Variants in STK3 observed in about 807,000 individuals in gnomAD.
STK3 encodes the protein serine/threonine kinase 3, also known as serine/threonine-protein kinase 3.
In STK3, 41 loss-of-function variants were observed where a neutral mutation model predicts 58.0. That is an observed-to-expected ratio of 0.71 (90% CI 0.55 to 0.92). The LOEUF (loss-of-function observed/expected upper bound fraction) is 0.92. Among genes scored for constraint, STK3 ranks in the 40% least tolerant of loss-of-function variants. The pLI, the probability that STK3 is intolerant of heterozygous loss-of-function variation, is 0.00. For missense variants in STK3, 479 were observed against 602.7 expected (o/e 0.79, Z 2.15); for synonymous variants, 170 against 191.0 (o/e 0.89, Z 0.91).
At chr8:98,614,499 C>G (rs1232528197) in intron 6 of STK3, among the ~76,000 whole-genome samples, 1 of 152,182 alleles carries the variant, frequency 6.6e-6, no homozygotes, top group Non-Finnish European at 1.5e-5. Flanking sequence ...CAGCTCCCAG[C>G]GAGAGCGATG....
At chr8:98,484,943 T>G (rs376038858) in intron 10 of STK3, among the ~76,000 whole-genome samples, 1 of 152,138 alleles carries the variant, frequency 6.6e-6, no homozygotes, top group African/African-American at 2.4e-5. Context: ...TTGATTTATC[T>G]AGAAGAATTT....
rs187272069 is a variant in STK3 at position 98,649,889 on chromosome 8, C to G, written c.685-53720G>C. Among the ~76,000 whole-genome samples the G allele has an allele frequency of 2.3e-3, 348 of 152,264 alleles. 2 individuals carry two copies. Among genetic ancestry groups the G allele is most frequent in the African/African-American group, 8.1e-3 (338 of 41,572 alleles). On this transcript the variant is annotated intron_variant, in intron 6 of 10. Coordinates refer to ENST00000419617, the MANE Select transcript of STK3 (RefSeq NM_006281.4). ...GCATGCTCTTTCCTTCATTTCAATT[C>G]CAGTGTAATGTCTTTCAATTAGATT... is the stretch of plus-strand genomic sequence containing the variant.
chr8:98,517,300 T>TA (rs1209758267), intron 10 of STK3, among the ~76,000 whole-genome samples: 1 of 151,984 alleles, frequency 6.6e-6, no homozygotes, highest in African/African-American at 2.4e-5. Context: ...TCTGGATTTT[T>TA]AAAAAAAGTC....
intron 4 of STK3, among the ~76,000 whole-genome samples, chr8:98,714,253 C>G: frequency 6.6e-6 from 1 of 152,152 alleles, no homozygotes; most frequent in Non-Finnish European, 1.5e-5. Flanking sequence ...CGCTCCTATT[C>G]AACATAGTGT....
chr8:98,716,752 T>G (rs577104317), intron 4 of STK3, among the ~76,000 whole-genome samples: 1 of 152,252 alleles, frequency 6.6e-6, no homozygotes, highest in South Asian at 2.1e-4. Flanking sequence ...AAAATTCTCA[T>G]AGTTCCTGAT....
chr8:98,831,253 T>C (rs1253539311), intron 3 of STK3, among the ~76,000 whole-genome samples: 4 of 152,206 alleles, frequency 2.6e-5, no homozygotes, highest in African/African-American at 9.6e-5. Flanking sequence ...CTTGTCATAC[T>C]AGTTGCAGCT....
At chr8:98,757,273 C>T (rs903800552) in intron 3 of STK3, among the ~76,000 whole-genome samples, 38 of 150,748 alleles carry the variant, frequency 2.5e-4, no homozygotes, top group Non-Finnish European at 4.6e-4. Context: ...CTCTGCCTCC[C>T]GGGTTCAAGC....
intron 3 of STK3, among the ~76,000 whole-genome samples, chr8:98,420,147 T>A (rs1041805243): frequency 1.3e-5 from 2 of 152,212 alleles, no homozygotes; most frequent in African/African-American, 4.8e-5. Context: ...AAATAATTAA[T>A]AAATGTTAAA....
intron 3 of STK3, among the ~76,000 whole-genome samples, chr8:98,407,017 G>A (rs975067963): frequency 2.0e-5 from 3 of 152,130 alleles, no homozygotes; most frequent in African/African-American, 7.2e-5. Context: ...TTGGCTAAAA[G>A]GACTCCAGTT....
chr8:98,598,683 T>C (rs1816041588), intron 6 of STK3: 4 of 985,206 alleles, frequency 4.1e-6, no homozygotes, highest in Non-Finnish European at 3.6e-6. Flanking sequence ...TAACAATTCA[T>C]TCCCTTGCCA....
At chr8:98,697,155 G>A (rs943510262) in intron 6 of STK3, among the ~76,000 whole-genome samples, 4 of 152,134 alleles carry the variant, frequency 2.6e-5, no homozygotes, top group African/African-American at 7.2e-5. Flanking sequence ...AGAGGTGTTT[G>A]TAGTATTCTC....
chr8:98,586,937 G>A (rs1425644792), intron 7 of STK3, among the ~76,000 whole-genome samples: 2 of 151,844 alleles, frequency 1.3e-5, no homozygotes, highest in African/African-American at 4.9e-5. Context: ...TGGGATCGGT[G>A]TTGATATCCC....
intron 1 of STK3, among the ~76,000 whole-genome samples, chr8:98,780,570 A>G (rs1399898769): frequency 4.6e-5 from 7 of 151,998 alleles, no homozygotes; most frequent in African/African-American, 1.7e-4. Flanking sequence ...TTTGCAGTCT[A>G]TTTGATTTTT....
chr8:98,653,130 G>C (rs917152777), intron 6 of STK3, among the ~76,000 whole-genome samples: 1 of 152,144 alleles, frequency 6.6e-6, no homozygotes, highest in South Asian at 2.1e-4. Flanking sequence ...ATAACAAACT[G>C]TCTCTCAGAC....
At chr8:98,618,248 T>C (rs1031204884) in intron 6 of STK3, among the ~76,000 whole-genome samples, 7 of 150,078 alleles carry the variant, frequency 4.7e-5, no homozygotes, top group African/African-American at 1.7e-4. Context: ...AAAAAGCCTT[T>C]GACAAAATTC....
At chr8:98,528,001 T>C (rs1021276331) in intron 9 of STK3, among the ~76,000 whole-genome samples, 4 of 152,168 alleles carry the variant, frequency 2.6e-5, no homozygotes, top group African/African-American at 9.6e-5. Context: ...ATAATAAAGT[T>C]GAGAATTAAT....
At chr8:98,558,512 C>A (rs528112428) in intron 8 of STK3, among the ~76,000 whole-genome samples, 1 of 152,034 alleles carries the variant, frequency 6.6e-6, no homozygotes, top group East Asian at 1.9e-4. Flanking sequence ...GGTGGTGATT[C>A]CACAAAATTT....
At chr8:98,359,942 G>C in the STK3 span, among the ~76,000 whole-genome samples, 1 of 152,126 alleles carries the variant, frequency 6.6e-6, no homozygotes, top group African/African-American at 2.4e-5. Context: ...CCCTGAATGT[G>C]CCATGTTTTC....
At chr8:98,579,274 C>A (rs965229860) in intron 8 of STK3, among the ~76,000 whole-genome samples, 1 of 152,118 alleles carries the variant, frequency 6.6e-6, no homozygotes, top group Non-Finnish European at 1.5e-5. Context: ...ATATGCTAGG[C>A]CTTTTTATGT....
Sources: allele counts gnomAD v4.1 joint callset (sites outside exome capture counted in the v4.1 genomes callset), GRCh38; gene constraint gnomAD v4.1.1; transcripts MANE v1.5; gene names NCBI Gene and HGNC (gene_info 2026-07-23, HGNC 2026-07-21).